Variants in KANK1 observed in about 807,000 individuals in gnomAD.
The protein encoded by KANK1 is KN motif and ankyrin repeat domain-containing protein 1.
In KANK1, 109 loss-of-function variants were observed where a neutral mutation model predicts 106.2. The observed-to-expected ratio is 1.03, with a 90% CI of 0.88 to 1.20. The LOEUF (loss-of-function observed/expected upper bound fraction) is 1.20. Among genes scored for constraint, KANK1 ranks in the 50% most tolerant of loss-of-function variants. KANK1 has a pLI of 0.00. For synonymous variants in KANK1, 873 were observed against 652.2 expected (o/e 1.34, Z -5.16); for missense variants, 2,399 against 1,710.7 (o/e 1.40, Z -7.10).
chr9:657,878 C>G (rs1466427211), intron 1 of KANK1, among the ~76,000 whole-genome samples: 1 of 151,836 alleles, frequency 6.6e-6, no homozygotes, highest in East Asian at 1.9e-4. Flanking sequence ...TTTCTGTTTT[C>G]TTGGTGGTGG....
chr9:500,697 A>T (rs2058535294), upstream of KANK1, among the ~76,000 whole-genome samples: 1 of 152,234 alleles, frequency 6.6e-6, no homozygotes, highest in Admixed American at 6.5e-5. Flanking sequence ...TTATATTTAA[A>T]GGAGGGACCT....
In KANK1 at chr9:745,276, C is replaced by G; in HGVS notation, c.*41C>G. On this transcript the variant is annotated 3_prime_UTR_variant, in exon 12 of 12. Transcript: ENST00000382297. Reference sequence around the variant, plus strand: ...CCTTTATTTACATGCCACTATTAAGCTGCTAATTGTTCCTGTTGGGGTGAC... The same window carrying G: ...CCTTTATTTACATGCCACTATTAAGGTGCTAATTGTTCCTGTTGGGGTGAC... The G allele has an allele frequency of 6.2e-7, 1 of 1,611,842 alleles. No homozygotes were observed. Among genetic ancestry groups the G allele is most frequent in the Non-Finnish European group, 8.5e-7 (1 of 1,178,072 alleles).
At chr9:632,534 T>C (rs887622438) in intron 1 of KANK1, among the ~76,000 whole-genome samples, 1 of 152,162 alleles carries the variant, frequency 6.6e-6, no homozygotes, top group African/African-American at 2.4e-5. Context: ...CAGCTTGTAA[T>C]TTTTTACAAC....
At chr9:694,453 C>T (rs912162) in intron 2 of KANK1, among the ~76,000 whole-genome samples, 111,643 of 152,062 alleles carry the variant, frequency 0.73, 41,278 homozygotes, top group Middle Eastern at 0.82. Flanking sequence ...ATTTCAGCAA[C>T]AACTTTTAAA....
chr9:508,363 C>T (rs548726391), intron 1 of KANK1, among the ~76,000 whole-genome samples: 90 of 151,976 alleles, frequency 5.9e-4, no homozygotes, highest in African/African-American at 2.1e-3. Context: ...TCTCGAACTC[C>T]CGACCTCAGG....
Position 745,325 on chromosome 9 carries a change from T to G in KANK1, c.*90T>G. 1 of 1,520,356 alleles carries G rather than the reference T, an allele frequency of 6.6e-7. No individual in the cohort carries two copies. The highest frequency in any genetic ancestry group is 9.1e-7 in the Non-Finnish European group (1 of 1,098,466). The allele number at this position is 1,520,356 out of a possible 1,614,324, so 94.2% of individuals were successfully genotyped here. A position where few individuals can be genotyped will look rare whatever the true frequency, so the allele number is the denominator to read the frequency against. Reference sequence around the variant, plus strand: ...ACAGATACTGAATGTATACGTATTGTGCCTGAGCTCACCAGCAAACAGAAG... The same window carrying G: ...ACAGATACTGAATGTATACGTATTGGGCCTGAGCTCACCAGCAAACAGAAG... On this transcript the variant is annotated 3_prime_UTR_variant, in exon 12 of 12. Transcript: ENST00000382297.
Position 730,189 on chromosome 9 carries a change from A to T in KANK1, c.2837A>T (p.Gln946Leu). Residue 946 changes from glutamine to leucine, a missense_variant, in exon 4 of 12, where the codon CAG (glutamine) becomes CTG (leucine). Coordinates refer to ENST00000382297, the MANE Select transcript of KANK1 (RefSeq NM_015158.5). The part of the protein sequence containing the change: ...PISSLDAFPT[Q>L]EGTLSPVNLT... Reference sequence around the variant, plus strand: ...AGCAGCCTGGATGCCTTCCCCACTCAGGAAGGTACGCTGTCTCCAGTGAAC... The same window carrying T: ...AGCAGCCTGGATGCCTTCCCCACTCTGGAAGGTACGCTGTCTCCAGTGAAC... 1 of 1,614,234 alleles carries T rather than the reference A, an allele frequency of 6.2e-7. No homozygotes were observed. The highest frequency in any genetic ancestry group is 8.5e-7 in the Non-Finnish European group (1 of 1,180,038).
At chr9:652,168 G>C (rs2361101) in intron 1 of KANK1, among the ~76,000 whole-genome samples, 6 of 151,916 alleles carry the variant, frequency 3.9e-5, no homozygotes, top group Non-Finnish European at 8.8e-5. Context: ...TTGCAAATAT[G>C]TGTTTGGAAT....
chr9:581,032 C>G (rs1302982052), intron 1 of KANK1, among the ~76,000 whole-genome samples: 2 of 151,934 alleles, frequency 1.3e-5, no homozygotes, highest in African/African-American at 4.8e-5. Context: ...CCCCTCACTG[C>G]CCAGGGGCCG....
chr9:737,245 A>G (rs1276378609), intron 7 of KANK1, among the ~76,000 whole-genome samples: 2 of 152,210 alleles, frequency 1.3e-5, no homozygotes, highest in Non-Finnish European at 2.9e-5. Context: ...ACACTCTTCA[A>G]GTGACCCAAA....
intron 1 of KANK1, among the ~76,000 whole-genome samples, chr9:664,247 G>A (rs28777690): frequency 1.5e-3 from 233 of 152,058 alleles, no homozygotes; most frequent in South Asian, 5.0e-3. Context: ...CCCAGCCTCC[G>A]GTAACCACTA....
intron 1 of KANK1, among the ~76,000 whole-genome samples, chr9:533,454 G>A (rs1482628630): frequency 6.6e-6 from 1 of 152,176 alleles, no homozygotes; most frequent in African/African-American, 2.4e-5. Flanking sequence ...ATTTAAAGTG[G>A]CAGGCACAGT....
chr9:671,183 T>G (rs1050333274), intron 1 of KANK1, among the ~76,000 whole-genome samples: 10 of 152,016 alleles, frequency 6.6e-5, no homozygotes, highest in Non-Finnish European at 1.0e-4. Flanking sequence ...TATGCATTTT[T>G]GAAATTCCTA....
intron 2 of KANK1, chr9:686,799 A>T: frequency 1.0e-6 from 1 of 985,356 alleles, no homozygotes; most frequent in Non-Finnish European, 1.2e-6. Context: ...GCTGGAGCTG[A>T]GTGTTCTCTG....
intron 1 of KANK1, among the ~76,000 whole-genome samples, chr9:508,120 CCTTTTTTTT>C (rs2058853166): frequency 8.6e-6 from 1 of 116,728 alleles, no homozygotes; most frequent in Admixed American, 9.9e-5. Context: ...CCCTGCTCAG[CCTTTTTTTT>C]TTTTTTTTTT....
chr9:738,838 G>C (rs1266214738), intron 8 of KANK1, among the ~76,000 whole-genome samples: 1 of 152,174 alleles, frequency 6.6e-6, no homozygotes, highest in African/African-American at 2.4e-5. Flanking sequence ...GGGCTTGGCC[G>C]GTTTGCACTC....
chr9:559,203 A>G (rs1815714869), intron 1 of KANK1, among the ~76,000 whole-genome samples: 1 of 152,134 alleles, frequency 6.6e-6, no homozygotes, highest in African/African-American at 2.4e-5. Flanking sequence ...TTTTGGTTTT[A>G]TAGATTTATT....
At chr9:631,719 A>G (rs1385250857) in intron 1 of KANK1, among the ~76,000 whole-genome samples, 1 of 152,190 alleles carries the variant, frequency 6.6e-6, no homozygotes, top group Non-Finnish European at 1.5e-5. Flanking sequence ...ACCTGTAGTC[A>G]TCCATCCCTT....
intron 1 of KANK1, among the ~76,000 whole-genome samples, chr9:645,453 A>G (rs1165637954): frequency 6.7e-6 from 1 of 149,790 alleles, no homozygotes; most frequent in Non-Finnish European, 1.5e-5. Context: ...AAAAAAAAAA[A>G]AAAAAAAAGG....
Sources: allele counts gnomAD v4.1 joint callset (sites outside exome capture counted in the v4.1 genomes callset), GRCh38; gene constraint gnomAD v4.1.1; transcripts MANE v1.5; gene names NCBI Gene and HGNC (gene_info 2026-07-23, HGNC 2026-07-21).